Variants in TAOK3 observed in about 807,000 individuals in gnomAD.
The protein encoded by TAOK3 is serine/threonine-protein kinase TAO3.
TAOK3 carries 40 observed loss-of-function variants against 120.4 expected under a neutral mutation model. The ratio of observed to expected loss-of-function variants is 0.33; its 90% confidence interval spans 0.26 to 0.43. The LOEUF (loss-of-function observed/expected upper bound fraction) is 0.43. TAOK3 is among the 20% of genes least tolerant of loss of function. The probability of loss-of-function intolerance (pLI) is 1.00; values close to 1 mark genes in which losing one functional copy is unlikely to be tolerated. For synonymous variants in TAOK3, 355 were observed against 387.5 expected (o/e 0.92, Z 0.99); for missense variants, 821 against 1,112.1 (o/e 0.74, Z 3.72).
rs193139076 is a variant in TAOK3, at chr12:118,299,430, G to T, written c.-193-32671C>A. 1.7e-3 allele frequency among the ~76,000 whole-genome samples: 256 copies of T among 152,056 alleles called. 3 individuals carry two copies. Among genetic ancestry groups the T allele is most frequent in the Admixed American group, 0.016 (239 of 15,264 alleles). On this transcript the variant is annotated intron_variant, in intron 1 of 20. Coordinates refer to ENST00000392533, the MANE Select transcript of TAOK3 (RefSeq NM_016281.4). ...AATGTGTTTTGAGATGTTTTTTATG[G>T]GTCTACGGTACTTAAGGTTTCTGAT...
intron 9 of TAOK3, among the ~76,000 whole-genome samples, chr12:118,230,024 C>G (rs2039693540): frequency 6.6e-6 from 1 of 152,120 alleles, no homozygotes. Flanking sequence ...TCATAACAAC[C>G]CCACAAAGTG....
intron 1 of TAOK3, among the ~76,000 whole-genome samples, chr12:118,303,356 T>G (rs772756433): frequency 6.6e-6 from 1 of 152,228 alleles, no homozygotes. Context: ...GACAGGATTT[T>G]CAATCTGTTT....
intron 9 of TAOK3, among the ~76,000 whole-genome samples, chr12:118,228,314 G>A (rs1404061324): frequency 1.3e-5 from 2 of 151,942 alleles, no homozygotes; most frequent in Non-Finnish European, 2.9e-5. Flanking sequence ...ACCATGCCCA[G>A]CTAATTTTTG....
intron 1 of TAOK3, among the ~76,000 whole-genome samples, chr12:118,280,085 T>TG (rs1235998602): frequency 7.3e-6 from 1 of 137,188 alleles, no homozygotes; most frequent in Non-Finnish European, 1.6e-5. Context: ...TTTTTTTAGA[T>TG]GGAGTCTCGC....
At chr12:118,182,710 T>C (rs1199687902) in intron 14 of TAOK3, among the ~76,000 whole-genome samples, 1 of 149,976 alleles carries the variant, frequency 6.7e-6, no homozygotes, top group Non-Finnish European at 1.5e-5. Context: ...ATTCCTAATA[T>C]GAAGAGGTGA....
intron 8 of TAOK3, among the ~76,000 whole-genome samples, chr12:118,234,195 A>C (rs1035898314): frequency 5.5e-5 from 8 of 145,844 alleles, no homozygotes; most frequent in Admixed American, 3.5e-4. Context: ...GTTTAAAGTA[A>C]TTAAATAAAG....
intron 3 of TAOK3, chr12:118,246,414 C>G (rs2040506008): frequency 6.7e-7 from 1 of 1,482,496 alleles, no homozygotes; most frequent in East Asian, 2.4e-5. Flanking sequence ...GAAGATTATG[C>G]CAGTGCAGAA....
intron 1 of TAOK3, among the ~76,000 whole-genome samples, chr12:118,276,721 T>C (rs1010469039): frequency 1.4e-5 from 2 of 140,408 alleles, no homozygotes; most frequent in Non-Finnish European, 3.1e-5. Flanking sequence ...AAAACTGTAA[T>C]AGGCTGGGTG....
At chr12:118,227,752 T>C (rs775016820) in intron 9 of TAOK3, among the ~76,000 whole-genome samples, 6 of 152,230 alleles carry the variant, frequency 3.9e-5, no homozygotes, top group Non-Finnish European at 5.9e-5. Flanking sequence ...TGTGAATGCC[T>C]GATGGCATTA....
intron 3 of TAOK3, among the ~76,000 whole-genome samples, chr12:118,248,402 C>T (rs1215413814): frequency 2.0e-5 from 3 of 152,074 alleles, no homozygotes; most frequent in Admixed American, 2.0e-4. Flanking sequence ...AAATCTCTAA[C>T]ACTGTTCTGG....
intron 1 of TAOK3, among the ~76,000 whole-genome samples, chr12:118,318,501 C>A (rs1216642997): frequency 6.6e-6 from 1 of 152,064 alleles, no homozygotes. Flanking sequence ...ATGGATTTGG[C>A]AATGATTTCT....
At chr12:118,223,062 CTTTT>C (rs75334511) in intron 9 of TAOK3, among the ~76,000 whole-genome samples, 22 of 120,084 alleles carry the variant, frequency 1.8e-4, no homozygotes, top group African/African-American at 3.5e-4. Context: ...TTCTTTCTTT[CTTTT>C]TTTTTTTTTT....
At chr12:118,168,284 A>G (rs1036638808) in intron 17 of TAOK3, among the ~76,000 whole-genome samples, 5 of 152,168 alleles carry the variant, frequency 3.3e-5, no homozygotes, top group African/African-American at 1.2e-4. Flanking sequence ...ATAGTTAACA[A>G]TGTTGTATTA....
At chr12:118,225,692 C>T (rs2139712266) in intron 9 of TAOK3, among the ~76,000 whole-genome samples, 1 of 152,162 alleles carries the variant, frequency 6.6e-6, no homozygotes, top group African/African-American at 2.4e-5. Flanking sequence ...AAAAATGCTG[C>T]CAACTATAAG....
intron 1 of TAOK3, among the ~76,000 whole-genome samples, chr12:118,271,679 C>CTAT (rs2041705138): frequency 1.3e-5 from 2 of 152,144 alleles, no homozygotes; most frequent in South Asian, 4.1e-4. Flanking sequence ...TTTTCTTGAG[C>CTAT]ATATGCCTAT....
chr12:118,349,553 C>A (rs1165081398), intron 1 of TAOK3, among the ~76,000 whole-genome samples: 1 of 151,214 alleles, frequency 6.6e-6, no homozygotes, highest in Non-Finnish European at 1.5e-5. Flanking sequence ...CCAGAGTAGG[C>A]AAATCCATAG....
chr12:118,184,945 C>T (rs563341151), intron 14 of TAOK3, among the ~76,000 whole-genome samples: 2 of 152,178 alleles, frequency 1.3e-5, no homozygotes, highest in Non-Finnish European at 2.9e-5. Flanking sequence ...GTGAAAGTGC[C>T]TAGCAGGGTG....
chr12:118,235,645 A>G lies in TAOK3; in HGVS notation c.464T>C (p.Leu155Pro). 6.2e-7 allele frequency: 1 copy of G among 1,613,240 alleles called. No individual in the cohort carries two copies. The highest frequency in any genetic ancestry group is 8.5e-7 in the Non-Finnish European group (1 of 1,179,468). Residue 155 changes from leucine to proline, a missense_variant, in exon 8 of 21, where the codon CTA becomes CCA. Physicochemically the swap from Leu to Pro is moderately conservative, Grantham distance 98 (BLOSUM62 -3). This residue lies in a region of TAOK3 where 467 missense variants were observed against 540.0 expected (regional missense o/e 0.86). Coordinates refer to ENST00000392533, the MANE Select transcript of TAOK3 (RefSeq NM_016281.4). Reference sequence around the variant, plus strand: ...TAGTTTTACCTGACCTGGCTCTGTTAGAAGAATATTTCCTGCTTTAATATC... The same window carrying G: ...TAGTTTTACCTGACCTGGCTCTGTTGGAAGAATATTTCCTGCTTTAATATC... ...HRDIKAGNIL[L>P]TEPGQVKLAD... is the part of the protein sequence containing the mutation.
intron 1 of TAOK3, among the ~76,000 whole-genome samples, chr12:118,289,473 C>A (rs994120164): frequency 6.6e-6 from 1 of 151,572 alleles, no homozygotes; most frequent in East Asian, 1.9e-4. Flanking sequence ...TGTCTATACC[C>A]AAGAACTTAA....
Sources: gnomAD v4.1 joint callset for allele counts (sites outside exome capture counted in the v4.1 genomes callset) on GRCh38, gnomAD v4.1.1 for gene constraint, gnomAD v4.1.1 regional missense constraint, MANE v1.5 for transcripts, NCBI Gene and HGNC (gene_info 2026-07-23, HGNC 2026-07-21) for gene names.